Variants in SELE observed in about 807,000 individuals in gnomAD.
The protein encoded by SELE is E-selectin.
Under a neutral mutation model 75.8 loss-of-function variants are expected in SELE, and 52 were observed. That is an observed-to-expected ratio of 0.69 (90% confidence interval 0.55 to 0.86). The LOEUF is 0.86. Among genes scored for constraint, SELE ranks in the 40% least tolerant of loss-of-function variants. The pLI is 0.00. For missense variants in SELE, 754 were observed against 732.7 expected (o/e 1.03, Z -0.34); for synonymous variants, 285 against 258.7 (o/e 1.10, Z -0.98).
Position 169,728,220 on chromosome 1 carries a change from G to A in SELE, c.1117C>T (p.Pro373Ser). The change falls in exon 8 of 14, where the codon CCC (proline) becomes TCC (serine). Residue 373 changes from proline to serine, a missense_variant. Pro to Ser is a moderately conservative substitution (Grantham distance 74). Coordinates refer to ENST00000333360, the MANE Select transcript of SELE (RefSeq NM_000450.2). Reference sequence around the variant, plus strand: ...AGACAATTCATGTAGCCTCGCTCGGGGTTGGACAAGGCTGTGCACTGGAAA... The same window carrying A: ...AGACAATTCATGTAGCCTCGCTCGGAGTTGGACAAGGCTGTGCACTGGAAA... The part of the protein sequence containing the change: ...EAFQCTALSN[P>S]ERGYMNCLPS... 1 of 1,614,026 alleles carries A rather than the reference G, an allele frequency of 6.2e-7. No homozygotes were observed. Among genetic ancestry groups the A allele is most frequent in the African/African-American group, 1.3e-5 (1 of 75,022 alleles).
intron 13 of SELE, 61 bp downstream of exon 13, chr1:169,725,668 A>C (rs1648721080): frequency 7.1e-7 from 1 of 1,414,390 alleles, no homozygotes; most frequent in Non-Finnish European, 1.0e-6. Context: ...GGGTTCAAGG[A>C]GAAACAGAGC....
rs1425742190 is a variant in SELE, at chr1:169,722,772, A to G, written c.*1753T>C. On this transcript the variant is annotated 3_prime_UTR_variant, in exon 14 of 14. Transcript: ENST00000333360. ...AATTTAAAATTCTCAATAAAACTCA[A>G]ACACAAACCACACTGGTATTTCACA... 6.6e-6 allele frequency: 1 copy of G among 152,226 alleles called. No individual in the cohort carries two copies. Among genetic ancestry groups the G allele is most frequent in the Non-Finnish European group, 1.5e-5 (1 of 68,042 alleles). 9.4% of individuals were successfully genotyped at this position (152,226 alleles called of 1,614,324 possible).
At chr1:169,725,690 A>T in intron 13 of SELE, 39 bp downstream of exon 13, 1 of 1,517,922 alleles carries the variant, frequency 6.6e-7, no homozygotes, top group Non-Finnish European at 9.1e-7. Flanking sequence ...TGTAGAGAAG[A>T]TACCTCTCTC....
chr1:169,726,548 T>C, intron 11 of SELE, 151 bp downstream of exon 11: 7 of 658,518 alleles, frequency 1.1e-5, no homozygotes, highest in Non-Finnish European at 1.9e-5. Flanking sequence ...GTTGTACTAC[T>C]AACTCTTTTC....
rs746104916 is a variant in SELE at position 169,725,820 on chromosome 1, C to T, written c.1776-19G>A. On this transcript the variant is annotated intron_variant, in intron 12 of 13. Transcript: ENST00000333360. ...GCAGCTGCTGTGGAATACATGAGAA[C>T]ACTAGGTAAAGCACTGTCTTCCAAC... is the stretch of plus-strand genomic sequence containing the variant. 1.2e-6 allele frequency: 2 copies of T among 1,613,938 alleles called. No homozygotes were observed. The highest frequency in any genetic ancestry group is 1.1e-5 in the South Asian group (1 of 91,076).
In SELE at chr1:169,732,796, C is replaced by A; in HGVS notation, c.240G>T (p.Val80=). The A allele has an allele frequency of 1.2e-6, 2 of 1,614,150 alleles. No individual in the cohort carries two copies. Among genetic ancestry groups the A allele is most frequent in the Non-Finnish European group, 1.7e-6 (2 of 1,180,008 alleles). ...YWIGIRKVNN[V]WVWVGTQKPL... ...GTTTCTGGGTTCCTACCCAGACCCACACATTGTTGACTTTTCTGATTCCAA... is the reference window on the plus strand; with the variant it reads ...GTTTCTGGGTTCCTACCCAGACCCAAACATTGTTGACTTTTCTGATTCCAA... The change falls in exon 3 of 14, where the codon GTG becomes GTT. Residue 80 remains valine (V), a synonymous_variant. Transcript: ENST00000333360.
chr1:169,729,725 T>A (rs377071442), intron 5 of SELE, 52 bp from the exon 6 acceptor site: 1 of 1,575,460 alleles, frequency 6.3e-7, no homozygotes. Context: ...ATCTTTTCAC[T>A]TCCTATTGAG....
At chr1:169,731,742 A>G in intron 4 of SELE, 93 bp downstream of exon 4, 1 of 777,492 alleles carries the variant, frequency 1.3e-6, no homozygotes, top group Admixed American at 1.9e-5. Flanking sequence ...TGCACCAGGG[A>G]AGGGAAGGCA....
intron 10 of SELE, 146 bp from the exon 11 acceptor site, chr1:169,726,952 T>C (rs980487010): frequency 3.1e-6 from 2 of 638,072 alleles, no homozygotes; most frequent in Non-Finnish European, 5.5e-6. Context: ...AGATGTGGCA[T>C]TACAGGCCTT....
chr1:169,733,867 A>G (rs1648977960), intron 1 of SELE, 104 bp downstream of exon 1: 2 of 544,386 alleles, frequency 3.7e-6, no homozygotes, highest in Non-Finnish European at 3.3e-6. Flanking sequence ...GGTTTTAGCT[A>G]CAATACAATA....
chr1:169,726,752 G>A lies in SELE; in HGVS notation c.1700C>T (p.Ser567Phe). 6.2e-7 allele frequency: 1 copy of A among 1,613,970 alleles called. No individual in the cohort carries two copies. The highest frequency in any genetic ancestry group is 8.5e-7 in the Non-Finnish European group (1 of 1,179,956). The change falls in exon 11 of 14, where the codon TCC becomes TTC. Residue 567 changes from serine (S) to phenylalanine (F), a missense_variant. Physicochemically the swap from Ser to Phe is radical, Grantham distance 155. Transcript: ENST00000333360. ...LVAGLSAAGLSLLTLAPFLLW... is the reference protein window; with the variant it reads ...LVAGLSAAGLFLLTLAPFLLW... ...GAGAAATGGTGCTAATGTCAGGAGG[G>A]AGAGTCCAGCAGCAGAAAGTCCAGC...
At position 169,730,556 on chromosome 1, in the gene SELE, C is replaced by G; in HGVS notation, c.591G>C (p.Leu197=). The change falls in exon 5 of 14, where the codon CTG becomes CTC. Residue 197 remains leucine (L), a synonymous_variant. Coordinates refer to ENST00000333360, the MANE Select transcript of SELE (RefSeq NM_000450.2). ...EHGSLVCSHP[L]GNFSYNSSCS... is the part of the protein sequence containing the mutation. The stretch of plus-strand genomic sequence containing the variant: ...AGGAAGAATTGTAGCTGAAGTTTCC[C>G]AGTGGGTGACTGCAAACCAGGCTTC... The G allele has an allele frequency of 1.9e-6, 3 of 1,614,012 alleles. No individual in the cohort carries two copies. Among genetic ancestry groups the G allele is most frequent in the Non-Finnish European group, 1.7e-6 (2 of 1,179,966 alleles).
chr1:169,732,571 C>T (rs878866135), intron 3 of SELE, 44 bp downstream of exon 3: 3 of 1,517,228 alleles, frequency 2.0e-6, no homozygotes, highest in Non-Finnish European at 2.6e-6. Flanking sequence ...GCCAAGATGC[C>T]CACACACTGA....
chr1:169,727,270 A>G, intron 10 of SELE, 79 bp downstream of exon 10: 1 of 1,469,198 alleles, frequency 6.8e-7, no homozygotes, highest in Non-Finnish European at 9.2e-7. Flanking sequence ...GGATATAATG[A>G]ATAGTTGATT....
chr1:169,730,698 G>T (rs575196658), intron 4 of SELE, 81 bp from the exon 5 acceptor site: 188 of 567,236 alleles, frequency 3.3e-4, no homozygotes, highest in South Asian at 4.5e-4. Flanking sequence ...CTACAGTTTG[G>T]TTTTTTTTTT....
At position 169,729,361 on chromosome 1, in the gene SELE, C is replaced by T. The variant is rs1170611503; in HGVS notation, c.915G>A (p.Arg305=). 6.2e-7 allele frequency: 1 copy of T among 1,613,708 alleles called. No homozygotes were observed. Among genetic ancestry groups the T allele is most frequent in the Non-Finnish European group, 8.5e-7 (1 of 1,179,834 alleles). ...EKPTCKAVTC[R]AVRQPQNGSV... ...AGCCATTCTGAGGCTGGCGGACGGC[C>T]CTGCATGTCACAGCTGTAACAAATA... The change falls in exon 7 of 14, where the codon AGG becomes AGA. Residue 305 remains arginine (R), a synonymous_variant. Transcript: ENST00000333360.
At chr1:169,729,792 T>C in intron 5 of SELE, 119 bp from the exon 6 acceptor site, 1 of 824,792 alleles carries the variant, frequency 1.2e-6, no homozygotes, top group Non-Finnish European at 1.9e-6. Context: ...CAAAGTCCTA[T>C]GTCAATTCTT....
rs1648823051 is a variant in SELE at position 169,728,169 on chromosome 1, A to G, written c.1168T>C (p.Tyr390His). The G allele has an allele frequency of 6.2e-7, 1 of 1,614,098 alleles. No individual in the cohort carries two copies. The highest frequency in any genetic ancestry group is 2.2e-5 in the East Asian group (1 of 44,894). ...CAGGAGAACTCACAGCTGGACCCAT[A>G]ACGGAAACTGCCAGAAGCACTAGGA... ...CLPSASGSFR[Y>H]GSSCEFSCEQ... The change falls in exon 8 of 14, where the codon TAT (tyrosine) becomes CAT (histidine). Residue 390 changes from tyrosine (Y) to histidine (H), a missense_variant. Coordinates refer to ENST00000333360, the MANE Select transcript of SELE (RefSeq NM_000450.2).
Position 169,732,688 on chromosome 1 carries a change from G to A in SELE, c.348C>T (p.Ile116=). Reference sequence around the variant, plus strand: ...ACATGCCCACATCTTTTTCTCTCTTGATGTAGATCTCCACGCAGTCCTCAT... The same window carrying A: ...ACATGCCCACATCTTTTTCTCTCTTAATGTAGATCTCCACGCAGTCCTCAT... ...QKDEDCVEIY[I]KREKDVGMWN... is the part of the protein sequence containing the mutation. Residue 116 remains isoleucine (I), a synonymous_variant, in exon 3 of 14, where the codon ATC becomes ATT. Transcript: ENST00000333360. 1 of 1,613,630 alleles carries A rather than the reference G, an allele frequency of 6.2e-7. No homozygotes were observed. The highest frequency in any genetic ancestry group is 8.5e-7 in the Non-Finnish European group (1 of 1,179,888).
Sources: allele counts gnomAD v4.1 joint callset, GRCh38; gene constraint gnomAD v4.1.1; transcripts MANE v1.5; gene names NCBI Gene and HGNC (gene_info 2026-07-23, HGNC 2026-07-21).